ITGAV: variants seen among roughly 807,000 people sequenced by gnomAD.
ITGAV encodes integrin subunit alpha V, also known as integrin alpha-V.
ITGAV carries 76 observed loss-of-function variants against 143.8 expected under a neutral mutation model. The observed-to-expected ratio is 0.53, with a 90% CI of 0.44 to 0.64. ITGAV has a LOEUF of 0.64. ITGAV is among the 30% of genes least tolerant of loss of function. The pLI is 0.00. For synonymous variants in ITGAV, 453 were observed against 446.7 expected, an observed-to-expected ratio of 1.01 and a Z score of -0.18; for missense variants, 1,193 against 1,274.7, an observed-to-expected ratio of 0.94 and a Z score of 0.98.
chr2:186,652,258 A>T (rs1160215428), intron 15 of ITGAV, among the ~76,000 whole-genome samples, 169 bp downstream of exon 15: 1 of 152,226 alleles, frequency 6.6e-6, no homozygotes, highest in Non-Finnish European at 1.5e-5. Context: ...TCTGTTGCCC[A>T]GGCTGGTGTG....
intron 2 of ITGAV, among the ~76,000 whole-genome samples, chr2:186,606,780 A>C (rs950897619): frequency 6.6e-6 from 1 of 152,038 alleles, no homozygotes; most frequent in African/African-American, 2.4e-5. Context: ...TCATGCTTCA[A>C]TCCAATAGAA....
At chr2:186,624,497 G>A (rs943008284) in intron 3 of ITGAV, among the ~76,000 whole-genome samples, 2 of 152,116 alleles carry the variant, frequency 1.3e-5, no homozygotes, top group African/African-American at 4.8e-5. Flanking sequence ...ACTCTGGAGC[G>A]TCAAGTACGT....
intron 8 of ITGAV, 87 bp downstream of exon 8, chr2:186,637,196 G>C (rs1687968418): frequency 9.1e-7 from 1 of 1,104,406 alleles, no homozygotes; most frequent in South Asian, 1.3e-5. Context: ...TAAGCAGTTT[G>C]AGTGGCTGGG....
At chr2:186,669,891 C>G in intron 26 of ITGAV, 77 bp downstream of exon 26, 1 of 922,870 alleles carries the variant, frequency 1.1e-6, no homozygotes, top group South Asian at 1.5e-5. Flanking sequence ...AAGAACATTT[C>G]AAAAATAACA....
chr2:186,613,148 CTT>C lies in ITGAV; in HGVS notation c.317-9175_317-9174del, dbSNP rs76180545. On this transcript the variant is annotated intron_variant, in intron 2 of 29. Coordinates refer to ENST00000261023, the MANE Select transcript of ITGAV (RefSeq NM_002210.5). Reference sequence around the variant, plus strand: ...TCTTTAGGACTTAACATGGGATTGGCTTTTTTTTTTTTTTTTTAATCCCCAGT... The same window carrying C: ...TCTTTAGGACTTAACATGGGATTGGCTTTTTTTTTTTTTTTAATCCCCAGT... Among the ~76,000 whole-genome samples the C allele has an allele frequency of 4.2e-3, 501 of 120,194 alleles. 1 individual carries two copies. Among genetic ancestry groups the C allele is most frequent in the African/African-American group, 0.013 (407 of 32,458 alleles). 78.9% of individuals were successfully genotyped at this position (120,194 alleles called of 152,430 possible).
Position 186,677,626 on chromosome 2 carries a change from G to A in ITGAV, c.*334G>A, listed in dbSNP as rs202163143. On this transcript the variant is annotated 3_prime_UTR_variant, in exon 30 of 30. Coordinates refer to ENST00000261023, the MANE Select transcript of ITGAV (RefSeq NM_002210.5). ...CTTCAGTTACTGTTTCTGATTTAAT[G>A]TACGGAACTTTATTTGTTGTTGTTG... The A allele has an allele frequency of 5.1e-6, 1 of 194,218 alleles. No homozygotes were observed. The highest frequency in any genetic ancestry group is 2.4e-5 in the African/African-American group (1 of 42,056). The allele number at this position is 194,218 out of a possible 1,614,324, so 12.0% of individuals were successfully genotyped here.
chr2:186,622,566 G>T (rs1247991808), intron 3 of ITGAV, 136 bp downstream of exon 3: 3 of 613,984 alleles, frequency 4.9e-6, no homozygotes, highest in Non-Finnish European at 5.8e-6. Flanking sequence ...AGATAGCTCT[G>T]ATCAAAGGCC....
chr2:186,652,670 T>C (rs1341336013), intron 15 of ITGAV, among the ~76,000 whole-genome samples: 3 of 152,216 alleles, frequency 2.0e-5, no homozygotes, highest in Non-Finnish European at 2.9e-5. Context: ...TTCATTTATA[T>C]GTAATTCCAA....
At chr2:186,646,556 G>C (rs528169586) in intron 12 of ITGAV, 130 bp from the exon 13 acceptor site, 2 of 593,386 alleles carry the variant, frequency 3.4e-6, no homozygotes, top group Admixed American at 3.1e-5. Context: ...ATAATTACAA[G>C]TACTGAAACT....
chr2:186,619,900 G>A (rs1168855229), intron 2 of ITGAV, among the ~76,000 whole-genome samples: 2 of 152,066 alleles, frequency 1.3e-5, no homozygotes, highest in Non-Finnish European at 2.9e-5. Context: ...GCTGAGGCAG[G>A]AGAATCGCTT....
intron 12 of ITGAV, among the ~76,000 whole-genome samples, chr2:186,642,535 C>CTTTTTTTTTT (rs35034170): frequency 8.8e-6 from 1 of 113,174 alleles, no homozygotes. Flanking sequence ...TCTTTTTTTT[C>CTTTTTTTTTT]TTTTTTTTTT....
chr2:186,655,301 T>C (rs1688551381), intron 16 of ITGAV, among the ~76,000 whole-genome samples: 1 of 152,138 alleles, frequency 6.6e-6, no homozygotes, highest in African/African-American at 2.4e-5. Flanking sequence ...GAGAAGAAAC[T>C]GAAACTGTTG....
intron 12 of ITGAV, among the ~76,000 whole-genome samples, chr2:186,644,393 T>G (rs538647191): frequency 6.6e-6 from 1 of 152,124 alleles, no homozygotes; most frequent in Admixed American, 6.5e-5. Flanking sequence ...TGGCACGATA[T>G]CGGCTCACTG....
intron 2 of ITGAV, 95 bp from the exon 3 acceptor site, chr2:186,622,244 G>T: frequency 1.3e-6 from 1 of 786,810 alleles, no homozygotes; most frequent in Non-Finnish European, 2.1e-6. Context: ...TTAATCAAAG[G>T]TGTACTATTT....
intron 4 of ITGAV, among the ~76,000 whole-genome samples, chr2:186,629,428 G>A (rs372694471): frequency 5.9e-5 from 9 of 151,790 alleles, no homozygotes; most frequent in Admixed American, 3.9e-4. Context: ...ATAAATAGCC[G>A]ACTTGCTCTA....
At chr2:186,650,760 G>A (rs955722321) in intron 14 of ITGAV, among the ~76,000 whole-genome samples, 1 of 150,668 alleles carries the variant, frequency 6.6e-6, no homozygotes, top group Non-Finnish European at 1.5e-5. Flanking sequence ...ATGTTATCTG[G>A]GCTGGTCTTG....
At chr2:186,608,957 A>G (rs1317685312) in intron 2 of ITGAV, among the ~76,000 whole-genome samples, 2 of 152,180 alleles carry the variant, frequency 1.3e-5, no homozygotes, top group African/African-American at 2.4e-5. Context: ...GAGTAACACC[A>G]TGAGAATAAT....
Position 186,645,114 on chromosome 2 carries a change from C to T in ITGAV, c.1160-1572C>T, listed in dbSNP as rs534967869. Among the ~76,000 whole-genome samples, 14 of 152,158 alleles carry T rather than the reference C, an allele frequency of 9.2e-5. 1 individual carries two copies. Among genetic ancestry groups the T allele is most frequent in the African/African-American group, 3.4e-4 (14 of 41,492 alleles). ...TTTGTGTAGTCATAGAATAAGTAAA[C>T]AATGGGGAAATCCAGATAGTGATAA... On this transcript the variant is annotated intron_variant, in intron 12 of 29. Coordinates refer to ENST00000261023, the MANE Select transcript of ITGAV (RefSeq NM_002210.5).
chr2:186,674,990 A>G (rs1325049184), intron 26 of ITGAV, among the ~76,000 whole-genome samples: 1 of 152,216 alleles, frequency 6.6e-6, no homozygotes, highest in Non-Finnish European at 1.5e-5. Flanking sequence ...TTCTACTCCT[A>G]ATCGTCAACA....
Sources: gnomAD v4.1 joint callset for allele counts (sites outside exome capture counted in the v4.1 genomes callset) on GRCh38, gnomAD v4.1.1 for gene constraint, MANE v1.5 for transcripts, NCBI Gene and HGNC (gene_info 2026-07-23, HGNC 2026-07-21) for gene names.